NYAP2: variants seen among roughly 807,000 people sequenced by gnomAD.
The protein encoded by NYAP2 is neuronal tyrosine-phosphorylated phosphoinositide-3-kinase adapter 2.
A neutral mutation model predicts 50.4 loss-of-function variants in NYAP2; 23 were observed. That is an observed-to-expected ratio of 0.46 (90% CI 0.33 to 0.65). The LOEUF (loss-of-function observed/expected upper bound fraction) is 0.65. Among genes scored for constraint, NYAP2 ranks in the 30% least tolerant of loss-of-function variants. The probability of loss-of-function intolerance (pLI) is 0.02; values close to 1 mark genes in which losing one functional copy is unlikely to be tolerated. For synonymous variants in NYAP2, 394 were observed against 365.2 expected (o/e 1.08, Z -0.90); for missense variants, 885 against 861.0 (o/e 1.03, Z -0.35).
intron 3 of NYAP2, among the ~76,000 whole-genome samples, chr2:225,424,632 T>C (rs765127505): frequency 6.6e-6 from 1 of 152,060 alleles, no homozygotes; most frequent in African/African-American, 2.4e-5. Flanking sequence ...AGTCAAAAAG[T>C]CAATATGAAG....
intron 5 of NYAP2, among the ~76,000 whole-genome samples, chr2:225,601,993 T>C (rs964018094): frequency 2.6e-5 from 4 of 152,188 alleles, no homozygotes; most frequent in Admixed American, 2.6e-4. Context: ...GCCATGATTT[T>C]TTTGTCTCAT....
chr2:225,625,942 C>A (rs1319444987), intron 5 of NYAP2, among the ~76,000 whole-genome samples: 2 of 152,026 alleles, frequency 1.3e-5, no homozygotes, highest in Non-Finnish European at 2.9e-5. Flanking sequence ...TGAACCAGAG[C>A]CATTGAGGTA....
At chr2:225,516,550 T>C (rs1038251987) in intron 4 of NYAP2, among the ~76,000 whole-genome samples, 1 of 151,982 alleles carries the variant, frequency 6.6e-6, no homozygotes, top group Non-Finnish European at 1.5e-5. Context: ...TTTTTTTTTC[T>C]CTTCAGAACA....
chr2:225,495,279 AT>A (rs1046777450), intron 3 of NYAP2, among the ~76,000 whole-genome samples: 3 of 152,150 alleles, frequency 2.0e-5, no homozygotes, highest in Non-Finnish European at 4.4e-5. Flanking sequence ...TATCTATTCT[AT>A]TTGTACTTCT....
intron 2 of NYAP2, among the ~76,000 whole-genome samples, chr2:225,405,156 T>G (rs1444434178): frequency 2.6e-5 from 4 of 151,996 alleles, no homozygotes; most frequent in Non-Finnish European, 4.4e-5. Flanking sequence ...TGAACTCAAT[T>G]AAAGGGATGA....
At chr2:225,644,564 T>C (rs1693594972) in intron 6 of NYAP2, among the ~76,000 whole-genome samples, 1 of 151,120 alleles carries the variant, frequency 6.6e-6, no homozygotes, top group Admixed American at 6.6e-5. Flanking sequence ...CTAGGATTTT[T>C]ATGGTTTTAG....
intron 2 of NYAP2, among the ~76,000 whole-genome samples, chr2:225,407,257 T>C (rs1404836469): frequency 6.6e-6 from 1 of 152,036 alleles, no homozygotes; most frequent in Non-Finnish European, 1.5e-5. Context: ...TTCATGTCCA[T>C]CATGTAAGCA....
the NYAP2 span, among the ~76,000 whole-genome samples, chr2:225,677,865 A>C: frequency 6.6e-6 from 1 of 152,074 alleles, no homozygotes; most frequent in South Asian, 2.1e-4. Flanking sequence ...GGATATTGGC[A>C]TGAAATTTAC....
chr2:225,630,783 A>G (rs1045909368), intron 6 of NYAP2, among the ~76,000 whole-genome samples: 1 of 152,382 alleles, frequency 6.6e-6, no homozygotes, highest in East Asian at 1.9e-4. Flanking sequence ...GGAACACCCA[A>G]TGATGACTCT....
At chr2:225,654,082 A>G (rs1693785069), downstream of NYAP2, 1 of 152,054 alleles carries the variant, frequency 6.6e-6, no homozygotes, top group African/African-American at 2.4e-5. Flanking sequence ...CCTACTTCCC[A>G]TGCCCTCAAC....
chr2:225,422,778 G>A (rs190214334), intron 3 of NYAP2, among the ~76,000 whole-genome samples: 11 of 152,112 alleles, frequency 7.2e-5, no homozygotes, highest in Admixed American at 5.9e-4. Context: ...GAATAAAGGA[G>A]AAAAGGAAAC....
the NYAP2 span, among the ~76,000 whole-genome samples, chr2:225,669,995 A>C: frequency 6.6e-6 from 1 of 152,140 alleles, no homozygotes; most frequent in Non-Finnish European, 1.5e-5. Context: ...GAAGATGAAG[A>C]GCTCTTCAAA....
intron 3 of NYAP2, among the ~76,000 whole-genome samples, chr2:225,496,413 C>T (rs1460880362): frequency 6.6e-6 from 1 of 152,142 alleles, no homozygotes; most frequent in East Asian, 1.9e-4. Flanking sequence ...TAGCCTACAA[C>T]TTACATTTTT....
At chr2:225,588,633 G>T (rs969845348) in intron 5 of NYAP2, among the ~76,000 whole-genome samples, 5 of 152,154 alleles carry the variant, frequency 3.3e-5, no homozygotes, top group African/African-American at 9.7e-5. Flanking sequence ...TTTGGAAAAA[G>T]TATTTTTAAA....
the NYAP2 span, chr2:225,702,341 C>T: frequency 6.6e-6 from 1 of 151,678 alleles, no homozygotes; most frequent in Non-Finnish European, 1.5e-5. Flanking sequence ...ATTGAGCAAA[C>T]TTATGTATCA....
intron 3 of NYAP2, among the ~76,000 whole-genome samples, chr2:225,454,439 G>T (rs945578576): frequency 2.0e-5 from 3 of 152,152 alleles, no homozygotes; most frequent in Non-Finnish European, 4.4e-5. Flanking sequence ...TTAGTCTAGT[G>T]TCCTAGGAAT....
chr2:225,505,691 A>G (rs1289253993), intron 3 of NYAP2, among the ~76,000 whole-genome samples: 1 of 152,190 alleles, frequency 6.6e-6, no homozygotes, highest in Non-Finnish European at 1.5e-5. Context: ...CTGTCTGCAG[A>G]TTATTATACT....
chr2:225,515,440 T>G (rs902229310), intron 4 of NYAP2, among the ~76,000 whole-genome samples: 1 of 152,076 alleles, frequency 6.6e-6, no homozygotes, highest in Non-Finnish European at 1.5e-5. Context: ...GTTTTGCAGC[T>G]ACAATGAATA....
At chr2:225,592,073 C>T (rs926233355) in intron 5 of NYAP2, among the ~76,000 whole-genome samples, 1 of 152,162 alleles carries the variant, frequency 6.6e-6, no homozygotes. Flanking sequence ...TGAGTGCTCA[C>T]CTTAGTGCCT....
Sources: gnomAD v4.1 joint callset for allele counts (sites outside exome capture counted in the v4.1 genomes callset) on GRCh38, gnomAD v4.1.1 for gene constraint, MANE v1.5 for transcripts, NCBI Gene and HGNC (gene_info 2026-07-23, HGNC 2026-07-21) for gene names.